Variants in KCNN2 observed in about 807,000 individuals in gnomAD.
KCNN2 encodes potassium calcium-activated channel subfamily N member 2, also known as small conductance calcium-activated potassium channel protein 2.
Under a neutral mutation model 55.5 loss-of-function variants are expected in KCNN2, and 24 were observed. The ratio of observed to expected loss-of-function variants is 0.43; its 90% CI spans 0.31 to 0.61. KCNN2 has a LOEUF of 0.61. Among genes scored for constraint, KCNN2 ranks in the 20% least tolerant of loss-of-function variants. The pLI is 0.08. For synonymous variants in KCNN2, 431 were observed against 336.1 expected (o/e 1.28, Z -3.09); for missense variants, 754 against 853.6 (o/e 0.88, Z 1.45).
chr5:114,154,347 C>G (rs1332560328), intron 1 of KCNN2, among the ~76,000 whole-genome samples: 1 of 152,012 alleles, frequency 6.6e-6, no homozygotes, highest in Non-Finnish European at 1.5e-5. Context: ...TGTAGTATAG[C>G]CTCTCTTTTG....
At chr5:114,399,771 T>A (rs1375087919) in intron 2 of KCNN2, among the ~76,000 whole-genome samples, 1 of 152,154 alleles carries the variant, frequency 6.6e-6, no homozygotes, top group Non-Finnish European at 1.5e-5. Context: ...TATTACTGAT[T>A]CCATTTTGGA....
At chr5:114,123,109 A>G (rs1053181441) in intron 1 of KCNN2, among the ~76,000 whole-genome samples, 1 of 152,192 alleles carries the variant, frequency 6.6e-6, no homozygotes, top group African/African-American at 2.4e-5. Flanking sequence ...AATCCATGTT[A>G]TCAGTGCACC....
At chr5:114,324,303 A>ATGAT (rs1756674615) in intron 2 of KCNN2, among the ~76,000 whole-genome samples, 1 of 152,240 alleles carries the variant, frequency 6.6e-6, no homozygotes, top group Non-Finnish European at 1.5e-5. Flanking sequence ...CTTTGCAGAT[A>ATGAT]TGATTAAAAT....
chr5:114,145,820 G>C (rs1230991767), intron 1 of KCNN2, among the ~76,000 whole-genome samples: 1 of 152,144 alleles, frequency 6.6e-6, no homozygotes, highest in Non-Finnish European at 1.5e-5. Context: ...TCATCAGGAG[G>C]GGGCAGAGGG....
intron 1 of KCNN2, among the ~76,000 whole-genome samples, chr5:114,083,527 T>A (rs1750946441): frequency 6.6e-6 from 1 of 152,142 alleles, no homozygotes; most frequent in Non-Finnish European, 1.5e-5. Flanking sequence ...GTGGGTTTTT[T>A]AAAATTAAGA....
Position 114,287,174 on chromosome 5 carries a change from T to C in KCNN2, c.-185+65609T>C, listed in dbSNP as rs748204099. On this transcript the variant is annotated intron_variant, in intron 2 of 10. Transcript: ENST00000512097. ...AGTTTAAAAGCAATTGTTCCAACCA[T>C]TGTGGAAGACAGTGTGGTAATTCCT... Among the ~76,000 whole-genome samples, 4 of 152,274 alleles carry C rather than the reference T, an allele frequency of 2.6e-5. No homozygotes were observed. In the East Asian group the frequency reaches 5.8e-4, roughly 22 times the overall value.
At chr5:114,400,068 C>T (rs1169845605) in intron 2 of KCNN2, among the ~76,000 whole-genome samples, 1 of 151,806 alleles carries the variant, frequency 6.6e-6, no homozygotes, top group African/African-American at 2.4e-5. Flanking sequence ...ATAGCCAACT[C>T]CTTGATTGTT....
At chr5:114,163,213 A>T (rs13179255) in intron 1 of KCNN2, among the ~76,000 whole-genome samples, 64,040 of 151,836 alleles carry the variant, frequency 0.42, 14,620 homozygotes, top group Middle Eastern at 0.54. Flanking sequence ...GGTTTTCTAG[A>T]TGTAGGATCA....
intron 1 of KCNN2, among the ~76,000 whole-genome samples, chr5:114,184,194 T>C (rs1753287552): frequency 6.6e-6 from 1 of 152,178 alleles, no homozygotes; most frequent in Non-Finnish European, 1.5e-5. Context: ...GGACTCAGTA[T>C]CATAGTGTTC....
At chr5:114,313,896 A>G (rs1479454200) in intron 2 of KCNN2, among the ~76,000 whole-genome samples, 2 of 152,100 alleles carry the variant, frequency 1.3e-5, no homozygotes, top group African/African-American at 2.4e-5. Context: ...AAATGTTTTT[A>G]CGGGCTTTTT....
intron 2 of KCNN2, among the ~76,000 whole-genome samples, chr5:114,337,573 T>C (rs1756943643): frequency 6.6e-6 from 1 of 152,184 alleles, no homozygotes; most frequent in African/African-American, 2.4e-5. Context: ...TAGCTAATGG[T>C]CACTTTGAAT....
intron 2 of KCNN2, among the ~76,000 whole-genome samples, chr5:114,304,688 T>C (rs1279813934): frequency 6.6e-6 from 1 of 152,236 alleles, no homozygotes; most frequent in Non-Finnish European, 1.5e-5. Flanking sequence ...ATAGTAGAAC[T>C]CTTGCCAGAA....
chr5:114,287,222 C>A (rs1755772981), intron 2 of KCNN2, among the ~76,000 whole-genome samples: 1 of 152,130 alleles, frequency 6.6e-6, no homozygotes, highest in South Asian at 2.1e-4. Flanking sequence ...AACAGAAATA[C>A]CATTTGACCC....
chr5:114,360,162 G>C (rs1049507640), upstream of KCNN2, among the ~76,000 whole-genome samples: 1 of 152,098 alleles, frequency 6.6e-6, no homozygotes. Flanking sequence ...CCAGGGCTAC[G>C]GGACTAAAAG....
At chr5:114,351,995 T>G (rs1049122245) in intron 2 of KCNN2, among the ~76,000 whole-genome samples, 1 of 151,740 alleles carries the variant, frequency 6.6e-6, no homozygotes, top group Non-Finnish European at 1.5e-5. Flanking sequence ...GAAAGGTTTG[T>G]GAAAAATTGC....
chr5:114,487,944 T>C (rs1057099287), intron 6 of KCNN2, among the ~76,000 whole-genome samples: 6 of 152,098 alleles, frequency 3.9e-5, no homozygotes, highest in East Asian at 3.9e-4. Flanking sequence ...CCTACGAGGG[T>C]AGTAATGGAA....
intron 2 of KCNN2, among the ~76,000 whole-genome samples, chr5:114,335,436 C>T (rs556709396): frequency 5.9e-5 from 9 of 152,190 alleles, no homozygotes; most frequent in Non-Finnish European, 8.8e-5. Flanking sequence ...GCATTTCTTG[C>T]ATGATGACAG....
intron 2 of KCNN2, among the ~76,000 whole-genome samples, chr5:114,343,789 T>C (rs1757059288): frequency 6.6e-6 from 1 of 152,056 alleles, no homozygotes; most frequent in African/African-American, 2.4e-5. Context: ...CTATGGTGGA[T>C]AGAGTATTTA....
intron 2 of KCNN2, among the ~76,000 whole-genome samples, chr5:114,343,482 G>A (rs569674205): frequency 1.3e-5 from 2 of 152,276 alleles, no homozygotes; most frequent in African/African-American, 4.8e-5. Flanking sequence ...GTAGGATTTA[G>A]AGGGAATTTT....
Sources: gnomAD v4.1 joint callset for allele counts (sites outside exome capture counted in the v4.1 genomes callset) on GRCh38, gnomAD v4.1.1 for gene constraint, MANE v1.5 for transcripts, NCBI Gene and HGNC (gene_info 2026-07-23, HGNC 2026-07-21) for gene names.